Variants in GTF2A1 observed in about 807,000 individuals in gnomAD.
GTF2A1 encodes general transcription factor IIA subunit 1.
GTF2A1 carries 12 observed loss-of-function variants against 54.1 expected under a neutral mutation model. The ratio of observed to expected loss-of-function variants is 0.22; its 90% CI spans 0.14 to 0.36. The LOEUF is 0.36. Ranked by LOEUF, GTF2A1 falls within the 10% of genes least tolerant of loss-of-function variation. The pLI, the probability that GTF2A1 is intolerant of heterozygous loss-of-function variation, is 1.00. For missense variants in GTF2A1, 335 were observed against 442.2 expected, an observed-to-expected ratio of 0.76 and a Z score of 2.17; for synonymous variants, 145 against 152.0, an observed-to-expected ratio of 0.95 and a Z score of 0.34.
intron 7 of GTF2A1, among the ~76,000 whole-genome samples, chr14:81,186,959 C>CA (rs56717903): frequency 9.0e-5 from 13 of 144,978 alleles, no homozygotes; most frequent in East Asian, 4.1e-4. Context: ...ACAATAAGAA[C>CA]AAAAAAAAAA....
chr14:81,200,112 C>T (rs978211394), intron 4 of GTF2A1, among the ~76,000 whole-genome samples: 1 of 151,912 alleles, frequency 6.6e-6, no homozygotes, highest in Non-Finnish European at 1.5e-5. Flanking sequence ...CAGAGATCCT[C>T]GATATTTGTG....
Position 81,220,622 on chromosome 14 carries a change from C to T in GTF2A1, c.-104G>A. On this transcript the variant is annotated 5_prime_UTR_variant, in exon 1 of 9. Transcript: ENST00000553612. Reference sequence around the variant, plus strand: ...ACACCCGGAGGGTGACCCAAATCACCGCAAGATTGGGGAAAAAATTTTAAA... The same window carrying T: ...ACACCCGGAGGGTGACCCAAATCACTGCAAGATTGGGGAAAAAATTTTAAA... 1.1e-6 allele frequency: 1 copy of T among 908,234 alleles called. No individual in the cohort carries two copies. Among genetic ancestry groups the T allele is most frequent in the South Asian group, 1.8e-5 (1 of 55,760 alleles). The allele number at this position is 908,234 out of a possible 1,614,324, so 56.3% of individuals were successfully genotyped here. A position where few individuals can be genotyped will look rare whatever the true frequency, so the allele number is the denominator to read the frequency against.
At chr14:81,210,772 CT>C (rs1438197725) in intron 2 of GTF2A1, among the ~76,000 whole-genome samples, 2 of 152,098 alleles carry the variant, frequency 1.3e-5, no homozygotes, top group Non-Finnish European at 2.9e-5. Flanking sequence ...CCAGGCTGTT[CT>C]CAAACTCCTG....
chr14:81,197,919 T>C (rs1211685405), intron 4 of GTF2A1, among the ~76,000 whole-genome samples: 1 of 152,178 alleles, frequency 6.6e-6, no homozygotes, highest in Non-Finnish European at 1.5e-5. Context: ...CTTATCCCCA[T>C]TTCCTTGAGA....
chr14:81,182,842 C>G (rs747009306), intron 8 of GTF2A1, among the ~76,000 whole-genome samples: 12 of 152,182 alleles, frequency 7.9e-5, no homozygotes, highest in Non-Finnish European at 1.6e-4. Flanking sequence ...TTCCCTCACT[C>G]CAGTCTAGCC....
At chr14:81,212,234 A>G (rs1489256074) in intron 2 of GTF2A1, among the ~76,000 whole-genome samples, 2 of 152,204 alleles carry the variant, frequency 1.3e-5, no homozygotes, top group African/African-American at 4.8e-5. Context: ...TATCTCCCAC[A>G]GTACTTGACA....
rs192301315 is a variant in GTF2A1, at chr14:81,190,212, G to T, written c.933+2307C>A. ...AAGGGCATGAGATTACTAGACCCAG[G>T]TATCTGTAGTGTCATGTTTTAACAA... On this transcript the variant is annotated intron_variant, in intron 7 of 8. Transcript: ENST00000553612. Among the ~76,000 whole-genome samples, 419 of 151,582 alleles carry T rather than the reference G, an allele frequency of 2.8e-3. 1 individual carries two copies. Among genetic ancestry groups the T allele is most frequent in the Non-Finnish European group, 3.4e-3 (231 of 67,888 alleles).
intron 8 of GTF2A1, among the ~76,000 whole-genome samples, chr14:81,182,334 G>A (rs756553852): frequency 1.8e-4 from 28 of 152,094 alleles, no homozygotes; most frequent in Non-Finnish European, 4.1e-4. Flanking sequence ...AATGTCTAAC[G>A]GACATACCAG....
intron 2 of GTF2A1, among the ~76,000 whole-genome samples, chr14:81,205,825 T>C (rs1893216787): frequency 6.6e-6 from 1 of 152,234 alleles, no homozygotes; most frequent in East Asian, 1.9e-4. Flanking sequence ...TCCCATGTTG[T>C]GTCTGATTCA....
chr14:81,182,065 T>A (rs1483079476), intron 8 of GTF2A1, among the ~76,000 whole-genome samples: 1 of 152,060 alleles, frequency 6.6e-6, no homozygotes, highest in African/African-American at 2.4e-5. Context: ...TTCTCCAACT[T>A]CCATTTATTG....
In GTF2A1 at chr14:81,192,719, G is replaced by A; in HGVS notation, c.733C>T (p.Pro245Ser). 3 of 1,614,098 alleles carry A rather than the reference G, an allele frequency of 1.9e-6. No individual in the cohort carries two copies. The highest frequency in any genetic ancestry group is 4.5e-5 in the East Asian group (2 of 44,888). The part of the protein sequence containing the change: ...VIPTTVAAPT[P>S]AQAQITATGQ... ...GTTGCAGTTATCTGTGCTTGGGCTG[G>A]TGTAGGTGCTGCCACTGTCGTAGGT... The change falls in exon 7 of 9, where the codon CCA becomes TCA. Residue 245 changes from proline (P) to serine (S), a missense_variant. This residue lies in a region of GTF2A1 where 306 missense variants were observed against 360.4 expected (regional missense o/e 0.85). Coordinates refer to ENST00000553612, the MANE Select transcript of GTF2A1 (RefSeq NM_015859.4).
chr14:81,176,165 TAA>T lies in GTF2A1; in HGVS notation c.*4056_*4057del, dbSNP rs1724632782. On this transcript the variant is annotated 3_prime_UTR_variant, in exon 9 of 9. Transcript: ENST00000553612. Reference sequence around the variant, plus strand: ...TTTTTTTTTAAATAACATCTTTAATTAAAGTTTTTGCAAAGTAGAATATTAAA... The same window carrying T: ...TTTTTTTTTAAATAACATCTTTAATTAGTTTTTGCAAAGTAGAATATTAAA... 1.3e-5 allele frequency: 2 copies of T among 152,164 alleles called. No individual in the cohort carries two copies. Among genetic ancestry groups the T allele is most frequent in the South Asian group, 4.1e-4 (2 of 4,832 alleles). 9.4% of individuals were successfully genotyped at this position (152,164 alleles called of 1,614,324 possible).
chr14:81,220,929 AC>A lies in GTF2A1; in HGVS notation c.-412del, dbSNP rs1893630419. On this transcript the variant is annotated 5_prime_UTR_variant, in exon 1 of 9. Coordinates refer to ENST00000553612, the MANE Select transcript of GTF2A1 (RefSeq NM_015859.4). ...AGCGAGCCAACAAGCTGCGCGAGCC[AC>A]CACCGCCGCCGCCGCCGCCGCCGAG... The A allele has an allele frequency of 5.9e-6, 1 of 170,746 alleles. No individual in the cohort carries two copies. Among genetic ancestry groups the A allele is most frequent in the Non-Finnish European group, 1.2e-5 (1 of 81,688 alleles). The allele number at this position is 170,746 out of a possible 1,614,324, so 10.6% of individuals were successfully genotyped here. A position where few individuals can be genotyped will look rare whatever the true frequency, so the allele number is the denominator to read the frequency against.
intron 3 of GTF2A1, among the ~76,000 whole-genome samples, chr14:81,203,632 A>T (rs536973494): frequency 6.6e-6 from 1 of 152,328 alleles, no homozygotes; most frequent in East Asian, 1.9e-4. Flanking sequence ...TGAATATCTT[A>T]GGCTTTCAAT....
intron 7 of GTF2A1, among the ~76,000 whole-genome samples, chr14:81,190,654 TA>T (rs1892856524): frequency 6.6e-6 from 1 of 151,972 alleles, no homozygotes; most frequent in Non-Finnish European, 1.5e-5. Flanking sequence ...CTGATGAAGA[TA>T]TCCATTAAAA....
rs1892589989 is a variant in GTF2A1 at position 81,179,184 on chromosome 14, T to C, written c.*1039A>G. The C allele has an allele frequency of 6.6e-6, 1 of 152,230 alleles. No homozygotes were observed. Among genetic ancestry groups the C allele is most frequent in the Non-Finnish European group, 1.5e-5 (1 of 68,046 alleles). The allele number at this position is 152,230 out of a possible 1,614,324, so 9.4% of individuals were successfully genotyped here. A position where few individuals can be genotyped will look rare whatever the true frequency, so the allele number is the denominator to read the frequency against. On this transcript the variant is annotated 3_prime_UTR_variant, in exon 9 of 9. Coordinates refer to ENST00000553612, the MANE Select transcript of GTF2A1 (RefSeq NM_015859.4). ...GAATTAGAATAGATTTTTAAAATTC[T>C]TTACTAGTAAACACAAGAAACTTTT...
intron 7 of GTF2A1, among the ~76,000 whole-genome samples, chr14:81,188,836 T>C (rs1483727263): frequency 1.3e-5 from 2 of 152,148 alleles, no homozygotes; most frequent in Admixed American, 6.5e-5. Flanking sequence ...TGTTTTCTTC[T>C]AAGAGTTTTA....
intron 2 of GTF2A1, among the ~76,000 whole-genome samples, chr14:81,208,093 TG>T (rs1893282217): frequency 6.6e-6 from 1 of 152,102 alleles, no homozygotes; most frequent in South Asian, 2.1e-4. Context: ...TCCAAGACCA[TG>T]GGGAAAATGT....
chr14:81,213,099 G>C (rs1893408667), intron 2 of GTF2A1, among the ~76,000 whole-genome samples: 1 of 152,110 alleles, frequency 6.6e-6, no homozygotes, highest in Non-Finnish European at 1.5e-5. Context: ...ACACTATTTT[G>C]TTCAGTTAGA....
Sources: gnomAD v4.1 joint callset for allele counts (sites outside exome capture counted in the v4.1 genomes callset) on GRCh38, gnomAD v4.1.1 for gene constraint, gnomAD v4.1.1 regional missense constraint, MANE v1.5 for transcripts, NCBI Gene and HGNC (gene_info 2026-07-23, HGNC 2026-07-21) for gene names.